The following GRIK2 variants were observed in gnomAD, a reference collection of about 807,000 sequenced individuals.
The protein encoded by GRIK2 is glutamate receptor ionotropic, kainate 2.
A neutral mutation model predicts 100.3 loss-of-function variants in GRIK2; 32 were observed. The observed-to-expected ratio is 0.32, with a 90% CI of 0.24 to 0.43. GRIK2 has a LOEUF of 0.43. Among genes scored for constraint, GRIK2 ranks in the 20% least tolerant of loss-of-function variants. The pLI is 1.00. For synonymous variants in GRIK2, 417 were observed against 389.4 expected, an observed-to-expected ratio of 1.07 and a Z score of -0.83; for missense variants, 843 against 1,114.9, an observed-to-expected ratio of 0.76 and a Z score of 3.47.
intron 2 of GRIK2, among the ~76,000 whole-genome samples, chr6:101,539,136 T>A (rs1775865261): frequency 6.6e-6 from 1 of 151,756 alleles, no homozygotes; most frequent in African/African-American, 2.4e-5. Context: ...AGTTAGATAA[T>A]GATTAACACA....
intron 2 of GRIK2, among the ~76,000 whole-genome samples, chr6:101,553,097 C>T (rs960452311): frequency 2.0e-5 from 3 of 152,054 alleles, no homozygotes; most frequent in Non-Finnish European, 4.4e-5. Flanking sequence ...CATAAAATGT[C>T]TTTAAGAAGC....
intron 2 of GRIK2, among the ~76,000 whole-genome samples, chr6:101,572,867 G>C (rs937915295): frequency 6.9e-6 from 1 of 145,034 alleles, no homozygotes; most frequent in Non-Finnish European, 1.5e-5. Flanking sequence ...TTCTGAGACA[G>C]AGTCTGTCTC....
At chr6:101,787,241 AT>A (rs138378732) in intron 7 of GRIK2, among the ~76,000 whole-genome samples, 44 of 149,854 alleles carry the variant, frequency 2.9e-4, no homozygotes, top group Non-Finnish European at 5.2e-4. Flanking sequence ...AAGTTTGTCA[AT>A]TTTTTTTAAA....
chr6:101,909,673 G>C (rs924345735), intron 12 of GRIK2, among the ~76,000 whole-genome samples: 1 of 92,308 alleles, frequency 1.1e-5, no homozygotes, highest in African/African-American at 4.4e-5. Context: ...CATAAAATAT[G>C]TTCATTGCCT....
intron 7 of GRIK2, among the ~76,000 whole-genome samples, chr6:101,765,707 T>C (rs1275442946): frequency 1.3e-5 from 2 of 152,142 alleles, no homozygotes; most frequent in Admixed American, 1.3e-4. Flanking sequence ...AATGCCTCTC[T>C]CTCCCTCTCC....
intron 10 of GRIK2, among the ~76,000 whole-genome samples, chr6:101,852,815 A>G (rs755630448): frequency 6.6e-6 from 1 of 152,282 alleles, no homozygotes; most frequent in Non-Finnish European, 1.5e-5. Flanking sequence ...CATATAAACT[A>G]TGATCTATGG....
At chr6:101,456,765 A>G (rs1771032939) in intron 2 of GRIK2, among the ~76,000 whole-genome samples, 1 of 151,914 alleles carries the variant, frequency 6.6e-6, no homozygotes, top group Non-Finnish European at 1.5e-5. Context: ...GGATTATTGC[A>G]TTAAGACTTT....
chr6:101,690,839 C>T (rs1221822191), intron 7 of GRIK2, among the ~76,000 whole-genome samples: 1 of 152,126 alleles, frequency 6.6e-6, no homozygotes, highest in African/African-American at 2.4e-5. Flanking sequence ...CCTACTCATA[C>T]TCTAATTTTC....
At chr6:101,989,718 G>A (rs1242988001) in intron 14 of GRIK2, among the ~76,000 whole-genome samples, 2 of 151,442 alleles carry the variant, frequency 1.3e-5, no homozygotes, top group Non-Finnish European at 3.0e-5. Context: ...ACACCATGGA[G>A]CTAAAAAGTT....
chr6:101,808,412 A>C (rs1781131812), intron 9 of GRIK2, among the ~76,000 whole-genome samples: 1 of 152,004 alleles, frequency 6.6e-6, no homozygotes, highest in Non-Finnish European at 1.5e-5. Context: ...TCATGATTGA[A>C]TTTTCTTTTA....
Position 101,772,236 on chromosome 6 carries a change from A to T in GRIK2, c.952-27412A>T, listed in dbSNP as rs1778450647. On this transcript the variant is annotated intron_variant, in intron 7 of 16. Coordinates refer to ENST00000369134, the MANE Select transcript of GRIK2 (RefSeq NM_021956.5). ...TACCTCTTTCCTAATGGCTTCCTCAAAAAGCTTGGGTTTAACTAATGAGCT... is the reference window on the plus strand; with the variant it reads ...TACCTCTTTCCTAATGGCTTCCTCATAAAGCTTGGGTTTAACTAATGAGCT... 2.0e-5 allele frequency among the ~76,000 whole-genome samples: 3 copies of T among 152,334 alleles called. No homozygotes were observed. The South Asian group carries it at 6.2e-4, about 32-fold the overall frequency.
At chr6:101,918,201 T>A (rs2128468064) in intron 12 of GRIK2, among the ~76,000 whole-genome samples, 1 of 151,692 alleles carries the variant, frequency 6.6e-6, no homozygotes, top group Admixed American at 6.6e-5. Context: ...ATGATGATGA[T>A]GAAAAAATAA....
chr6:102,057,117 A>G (rs1771502056), intron 16 of GRIK2, among the ~76,000 whole-genome samples: 1 of 151,984 alleles, frequency 6.6e-6, no homozygotes, highest in Admixed American at 6.6e-5. Flanking sequence ...TTCAGGTTTA[A>G]TTTGTCAGTA....
chr6:101,724,240 T>C (rs920738006), intron 7 of GRIK2, among the ~76,000 whole-genome samples: 1 of 151,868 alleles, frequency 6.6e-6, no homozygotes, highest in East Asian at 1.9e-4. Flanking sequence ...AGGTTTGTTA[T>C]ATGGGAATAT....
At chr6:101,817,620 G>A (rs568573191) in intron 9 of GRIK2, among the ~76,000 whole-genome samples, 16 of 152,174 alleles carry the variant, frequency 1.1e-4, no homozygotes, top group Non-Finnish European at 2.1e-4. Context: ...CTGTGCTTAC[G>A]TGTTTCTTCT....
chr6:101,732,246 C>T (rs1775322913), intron 7 of GRIK2, among the ~76,000 whole-genome samples: 1 of 151,872 alleles, frequency 6.6e-6, no homozygotes, highest in African/African-American at 2.4e-5. Context: ...ACAGATGAGA[C>T]AATCAACTTC....
intron 2 of GRIK2, among the ~76,000 whole-genome samples, chr6:101,501,615 T>A (rs1773748254): frequency 1.3e-5 from 2 of 152,202 alleles, no homozygotes; most frequent in African/African-American, 2.4e-5. Context: ...AGGTTCTGCA[T>A]CTGGCTTATC....
chr6:101,895,709 T>TA (rs1317796076), intron 12 of GRIK2, among the ~76,000 whole-genome samples: 1 of 151,528 alleles, frequency 6.6e-6, no homozygotes, highest in African/African-American at 2.4e-5. Flanking sequence ...GCCAGCTTTT[T>TA]ACCAAAAAAA....
chr6:101,890,556 C>A (rs1228330708), intron 12 of GRIK2, among the ~76,000 whole-genome samples: 1 of 151,884 alleles, frequency 6.6e-6, no homozygotes, highest in African/African-American at 2.4e-5. Flanking sequence ...CATAGGGAGA[C>A]TCTATCTCTA....
Sources: allele counts gnomAD v4.1 joint callset (sites outside exome capture counted in the v4.1 genomes callset), GRCh38; gene constraint gnomAD v4.1.1; transcripts MANE v1.5; gene names NCBI Gene and HGNC (gene_info 2026-07-23, HGNC 2026-07-21).